The following ANKRD11 variants were observed in gnomAD, a reference collection of about 807,000 sequenced individuals.
ANKRD11 encodes ankyrin repeat domain 11, also known as ankyrin repeat domain-containing protein 11.
Under a neutral mutation model 195.7 loss-of-function variants are expected in ANKRD11, and 17 were observed. The ratio of observed to expected loss-of-function variants is 0.09; its 90% CI spans 0.06 to 0.13. ANKRD11 has a LOEUF of 0.13. Ranked by LOEUF, ANKRD11 falls within the 10% of genes least tolerant of loss-of-function variation. The pLI is 1.00. For synonymous variants in ANKRD11, 1,953 were observed against 1,528.1 expected (o/e 1.28, Z -6.49); for missense variants, 3,735 against 3,566.1 (o/e 1.05, Z -1.21).
intron 2 of ANKRD11, among the ~76,000 whole-genome samples, chr16:89,339,389 AC>A (rs2038545029): frequency 1.3e-5 from 2 of 152,312 alleles, no homozygotes; most frequent in South Asian, 4.1e-4. Context: ...ACAAAGAGAA[AC>A]CAAGAACTGG....
intron 1 of ANKRD11, among the ~76,000 whole-genome samples, chr16:89,469,857 C>A (rs1051787661): frequency 6.6e-6 from 1 of 151,206 alleles, no homozygotes; most frequent in Non-Finnish European, 1.5e-5. Context: ...AAGATCGCGC[C>A]CGGAGACAGA....
chr16:89,284,624 TTTTGTG>T lies in ANKRD11; in HGVS notation c.1912_1917del (p.His638_Lys639del), dbSNP rs779289498. On this transcript the variant is annotated inframe_deletion, in exon 9 of 13. Transcript: ENST00000301030. ...ATGGAACACTGTCCCTTCTCCTTGT[TTTTGTG>T]TTTGTGTTTTGTTTTATGTTTTTTG... 6.2e-6 allele frequency: 10 copies of T among 1,613,940 alleles called. No individual in the cohort carries two copies. The highest frequency in any genetic ancestry group is 3.3e-5 in the Admixed American group (2 of 59,996).
chr16:89,282,763 G>T lies in ANKRD11; in HGVS notation c.3779C>A (p.Ser1260Ter). Residue 1260 changes from serine (S) to a stop codon, truncating the protein, a stop_gained, in exon 9 of 13, where the codon TCG (serine) becomes TAG (stop). Coordinates refer to ENST00000301030, the MANE Select transcript of ANKRD11 (RefSeq NM_013275.6). LOFTEE classifies it high-confidence loss of function. Reference sequence around the variant, plus strand: ...CCTCTCCTTGGAATGTTCTTTGTCCGACTTCTCTTTGTGTTTGCTTTTAGC... The same window carrying T: ...CCTCTCCTTGGAATGTTCTTTGTCCTACTTCTCTTTGTGTTTGCTTTTAGC... ...DKAKSKHKEKSDKEHSKERKS... is the reference protein window; with the variant it reads ...DKAKSKHKEK The T allele has an allele frequency of 6.2e-7, 1 of 1,612,680 alleles. No homozygotes were observed.
intron 1 of ANKRD11, among the ~76,000 whole-genome samples, chr16:89,449,170 G>A (rs1194566840): frequency 6.9e-6 from 1 of 144,864 alleles, no homozygotes; most frequent in Non-Finnish European, 1.5e-5. Flanking sequence ...AACCAACACA[G>A]TGAAACCCAG....
At chr16:89,309,083 A>AAC (rs1265770957) in intron 3 of ANKRD11, among the ~76,000 whole-genome samples, 2 of 152,146 alleles carry the variant, frequency 1.3e-5, no homozygotes, top group Non-Finnish European at 1.5e-5. Flanking sequence ...AAGACAAGAG[A>AAC]ACACACACCA....
intron 11 of ANKRD11, chr16:89,272,001 C>G (rs1844912321): frequency 6.6e-6 from 1 of 152,002 alleles, no homozygotes; most frequent in African/African-American, 2.4e-5. Flanking sequence ...TCCTGTCACA[C>G]AGATTCTCAA....
intron 1 of ANKRD11, among the ~76,000 whole-genome samples, chr16:89,487,845 A>G (rs2057671985): frequency 6.6e-6 from 1 of 152,214 alleles, no homozygotes; most frequent in African/African-American, 2.4e-5. Flanking sequence ...CAAACAGCAT[A>G]GTTTCCTTCA....
chr16:89,388,229 G>A (rs961019663), intron 2 of ANKRD11, among the ~76,000 whole-genome samples: 5 of 149,474 alleles, frequency 3.3e-5, no homozygotes, highest in Admixed American at 2.7e-4. Flanking sequence ...TGACTCCGAC[G>A]CAATCACCCT....
chr16:89,302,531 G>A (rs576210389), intron 4 of ANKRD11, among the ~76,000 whole-genome samples: 19 of 152,278 alleles, frequency 1.2e-4, no homozygotes, highest in African/African-American at 3.1e-4. Flanking sequence ...GATTACAGCC[G>A]TGAGCCACCG....
At chr16:89,269,636 ATTTTGTCC>A (rs1018172506) in intron 12 of ANKRD11, among the ~76,000 whole-genome samples, 1 of 151,264 alleles carries the variant, frequency 6.6e-6, no homozygotes, top group Non-Finnish European at 1.5e-5. Flanking sequence ...TTTTTTTTAA[ATTTTGTCC>A]CCAGGCTGGA....
At position 89,279,897 on chromosome 16, in the gene ANKRD11, C is replaced by G. The variant is rs1000057912; in HGVS notation, c.6645G>C (p.Val2215=). The change falls in exon 9 of 13, where the codon GTG becomes GTC. Residue 2215 remains valine (V), a synonymous_variant. Coordinates refer to ENST00000301030, the MANE Select transcript of ANKRD11 (RefSeq NM_013275.6). The surrounding 1 kb of genome is among the most constrained non-coding windows in gnomAD (Gnocchi z 5.6). ...CCGCCTCCACCGCAGCTTCTAGAGC[C>G]ACGTCCAGCTTTGGCTCCCCTGAGG... is the stretch of plus-strand genomic sequence containing the variant. The part of the protein sequence containing the change: ...PEPSGEPKLD[V]ALEAAVEAET... The G allele has an allele frequency of 6.2e-7, 1 of 1,606,392 alleles. No individual in the cohort carries two copies. Among genetic ancestry groups the G allele is most frequent in the Non-Finnish European group, 8.5e-7 (1 of 1,178,108 alleles).
In ANKRD11 at chr16:89,490,436, G is replaced by T; in HGVS notation, c.-336C>A. The T allele has an allele frequency of 3.0e-6, 1 of 337,640 alleles. No individual in the cohort carries two copies. The highest frequency in any genetic ancestry group is 5.4e-6 in the Non-Finnish European group (1 of 186,404). 20.9% of individuals were successfully genotyped at this position (337,640 alleles called of 1,614,324 possible). A position where few individuals can be genotyped will look rare whatever the true frequency, so the allele number is the denominator to read the frequency against. On this transcript the variant is annotated 5_prime_UTR_variant, in exon 1 of 13. Transcript: ENST00000301030. ...GAGCCCGCCCCTCGGGCGCGCCCAC[G>T]GCTCGGGCGAGAGCCGCGGCTCCCG...
At chr16:89,381,354 A>AAAAAGG (rs1555560066) in intron 2 of ANKRD11, among the ~76,000 whole-genome samples, 1 of 125,346 alleles carries the variant, frequency 8.0e-6, no homozygotes, top group African/African-American at 3.3e-5. Context: ...AAAAAAAAAA[A>AAAAAGG]GGGGTGAGAA....
chr16:89,399,197 C>G (rs1301575865), intron 2 of ANKRD11, among the ~76,000 whole-genome samples: 2 of 152,140 alleles, frequency 1.3e-5, no homozygotes, highest in African/African-American at 4.8e-5. Flanking sequence ...AAGTCAGAGG[C>G]AGAACCGAGT....
intron 9 of ANKRD11, chr16:89,278,491 G>A (rs996376509): frequency 1.8e-5 from 8 of 455,568 alleles, no homozygotes; most frequent in South Asian, 9.3e-5. Context: ...ACCTGAGCCT[G>A]CAGAGGTAGG....
At chr16:89,470,069 C>G (rs2057023572) in intron 1 of ANKRD11, among the ~76,000 whole-genome samples, 2 of 151,312 alleles carry the variant, frequency 1.3e-5, no homozygotes, top group African/African-American at 4.9e-5. Flanking sequence ...CCACGCCCGG[C>G]TAATTTTTTT....
Position 89,414,823 on chromosome 16 carries a change from G to A in ANKRD11, c.-60+3461C>T, listed in dbSNP as rs536198007. On this transcript the variant is annotated intron_variant, in intron 2 of 12. Transcript: ENST00000301030. ...AGATGGGAGAGAAGAGCACAGCACC[G>A]TGTACTGAAGAAGCGACTGTGGATC... Among the ~76,000 whole-genome samples the A allele has an allele frequency of 1.8e-4, 28 of 152,314 alleles. 1 individual carries two copies. The highest frequency in any genetic ancestry group is 3.4e-3 in the Middle Eastern group (1 of 294).
chr16:89,284,704 G>A lies in ANKRD11; in HGVS notation c.1838C>T (p.Ser613Phe). Residue 613 changes from serine to phenylalanine, a missense_variant, in exon 9 of 13, where the codon TCC becomes TTC. Transcript: ENST00000301030. The part of the protein sequence containing the change: ...SLSEKKSPFL[S>F]SAEGAVPKLD... ...TTTGGGGACAGCGCCCTCCGCGCTG[G>A]ACAGGAAGGGGCTCTTCTTCTCCGA... is the stretch of plus-strand genomic sequence containing the variant. 1 of 1,613,900 alleles carries A rather than the reference G, an allele frequency of 6.2e-7. No homozygotes were observed. Among genetic ancestry groups the A allele is most frequent in the Non-Finnish European group, 8.5e-7 (1 of 1,180,028 alleles).
intron 2 of ANKRD11, among the ~76,000 whole-genome samples, chr16:89,323,570 ACGGGGGCTAAGCCCAGGGCAGGGGGGCT>A (rs2037496005): frequency 8.3e-5 from 2 of 24,012 alleles, no homozygotes; most frequent in African/African-American, 2.9e-4. Flanking sequence ...AGCTAAGGGC[ACGGGGGCTAAGCCCAGGGCAGGGGGGCT>A]GAGCCCGGGG....
Sources: allele counts gnomAD v4.1 joint callset (sites outside exome capture counted in the v4.1 genomes callset), GRCh38; gene constraint gnomAD v4.1.1; non-coding constraint Gnocchi (gnomAD v3.1); transcripts MANE v1.5; gene names NCBI Gene and HGNC (gene_info 2026-07-23, HGNC 2026-07-21).